Variants in MAP3K19 observed in about 807,000 individuals in gnomAD.
MAP3K19 encodes the protein mitogen-activated protein kinase kinase kinase 19, also known as SPS1/STE20-related protein kinase YSK4.
In MAP3K19, 91 loss-of-function variants were observed where a neutral mutation model predicts 114.4. That is an observed-to-expected ratio of 0.80 (90% CI 0.67 to 0.95). The LOEUF is 0.95. Among genes scored for constraint, MAP3K19 ranks in the 40% least tolerant of loss-of-function variants. The pLI is 0.00. For synonymous variants in MAP3K19, 518 were observed against 530.5 expected (o/e 0.98, Z 0.32); for missense variants, 1,471 against 1,573.2 (o/e 0.94, Z 1.10).
At chr2:135,018,765 A>G (rs1388946971) in intron 5 of MAP3K19, among the ~76,000 whole-genome samples, 1 of 152,160 alleles carries the variant, frequency 6.6e-6, no homozygotes, top group Non-Finnish European at 1.5e-5. Flanking sequence ...ACGTACCTCG[A>G]CCTAAACCTT....
intron 8 of MAP3K19, among the ~76,000 whole-genome samples, chr2:134,992,931 G>A (rs1042836716): frequency 3.9e-5 from 6 of 152,034 alleles, no homozygotes; most frequent in African/African-American, 1.2e-4. Context: ...CACCGGCCTC[G>A]GCCTCCCAAA....
Position 134,999,896 on chromosome 2 carries a change from T to A in MAP3K19, c.314+41A>T, listed in dbSNP as rs745508985. On this transcript the variant is annotated intron_variant, in intron 7 of 12. Transcript: ENST00000392915. The surrounding 1 kb of genome is among the most constrained non-coding windows in gnomAD (Gnocchi z 4.1). ...TTGCCATATGACTATCATTGCTTCA[T>A]ACTTCATTTCAAATCTGATACTTCA... The A allele has an allele frequency of 7.7e-7, 1 of 1,305,128 alleles. No individual in the cohort carries two copies. Among genetic ancestry groups the A allele is most frequent in the Non-Finnish European group, 1.1e-6 (1 of 898,904 alleles). The allele number at this position is 1,305,128 out of a possible 1,614,324, so 80.8% of individuals were successfully genotyped here.
intron 9 of MAP3K19, among the ~76,000 whole-genome samples, chr2:134,990,799 T>C (rs1434184842): frequency 6.6e-6 from 1 of 152,206 alleles, no homozygotes; most frequent in African/African-American, 2.4e-5. Flanking sequence ...AATAACATTT[T>C]ATTTTCTTGG....
At chr2:135,006,923 A>G in intron 5 of MAP3K19, among the ~76,000 whole-genome samples, 1 of 152,052 alleles carries the variant, frequency 6.6e-6, no homozygotes. Context: ...CACACCTATA[A>G]TCCTAGCACT....
chr2:134,974,800 G>C (rs1684112223), intron 12 of MAP3K19, among the ~76,000 whole-genome samples: 1 of 152,078 alleles, frequency 6.6e-6, no homozygotes, highest in South Asian at 2.1e-4. Context: ...GAATGAATTG[G>C]CACATGTGGT....
rs748954950 is a variant in MAP3K19 at position 134,998,845 on chromosome 2, T to A, written c.467A>T (p.Asn156Ile). The A allele has an allele frequency of 1.2e-6, 2 of 1,614,196 alleles. No homozygotes were observed. The highest frequency in any genetic ancestry group is 1.7e-6 in the Non-Finnish European group (2 of 1,180,030). ...EESSRELCNV[N>I]LGFLLPRSCL... ...AGATCTTGGTAGCAAAAAGCCCAAG[T>A]TCACATTGCAGAGCTCCCTGGAACT... Residue 156 changes from asparagine to isoleucine, a missense_variant, in exon 8 of 13, where the codon AAC becomes ATC. By Grantham distance (149) the Asn-to-Ile change is moderately radical. Transcript: ENST00000392915.
chr2:134,993,536 G>A (rs1036653800), intron 8 of MAP3K19, among the ~76,000 whole-genome samples: 1 of 152,172 alleles, frequency 6.6e-6, no homozygotes, highest in Non-Finnish European at 1.5e-5. Context: ...GCTCCCAGAG[G>A]TTGCATTCTA....
chr2:135,015,140 C>A (rs1469301920), intron 5 of MAP3K19, among the ~76,000 whole-genome samples: 2 of 152,230 alleles, frequency 1.3e-5, no homozygotes, highest in African/African-American at 4.8e-5. Context: ...CTAAATTATT[C>A]TAACAGTTCA....
intron 11 of MAP3K19, chr2:134,983,324 A>T (rs1191064090): frequency 1.8e-6 from 1 of 556,568 alleles, no homozygotes; most frequent in African/African-American, 1.9e-5. Flanking sequence ...TTCCCATTGG[A>T]CTTGAACCTG....
chr2:135,031,480 G>A (rs748903291), intron 2 of MAP3K19, among the ~76,000 whole-genome samples: 1 of 152,148 alleles, frequency 6.6e-6, no homozygotes, highest in Non-Finnish European at 1.5e-5. Flanking sequence ...AAGGAGATGT[G>A]GGTGGAGAAA....
intron 5 of MAP3K19, among the ~76,000 whole-genome samples, chr2:135,017,268 T>G (rs1687638554): frequency 6.6e-6 from 1 of 152,172 alleles, no homozygotes; most frequent in African/African-American, 2.4e-5. Context: ...CTTAAAAATG[T>G]CAGTATCGGT....
chr2:134,964,867 A>T lies in MAP3K19; in HGVS notation c.3970T>A (p.Leu1324Met). 1 of 1,613,448 alleles carries T rather than the reference A, an allele frequency of 6.2e-7. No individual in the cohort carries two copies. The highest frequency in any genetic ancestry group is 8.5e-7 in the Non-Finnish European group (1 of 1,179,580). ...SALQLLKHSF[L>M]ERSH Reference sequence around the variant, plus strand: ...ATGTATATTCAGTGACTTCTCTCCAAGAAGGAGTGCTTCAGGAGCTGGAGA... The same window carrying T: ...ATGTATATTCAGTGACTTCTCTCCATGAAGGAGTGCTTCAGGAGCTGGAGA... Residue 1324 changes from leucine (L) to methionine (M), a missense_variant, in exon 13 of 13, where the codon TTG becomes ATG. Leu to Met is a conservative substitution (Grantham distance 15). Coordinates refer to ENST00000392915, the MANE Select transcript of MAP3K19 (RefSeq NM_025052.5).
intron 10 of MAP3K19, among the ~76,000 whole-genome samples, chr2:134,984,622 T>C (rs934921547): frequency 6.6e-6 from 1 of 152,152 alleles, no homozygotes; most frequent in Non-Finnish European, 1.5e-5. Context: ...GGATAATTAT[T>C]TACCTTGTAT....
intron 11 of MAP3K19, among the ~76,000 whole-genome samples, chr2:134,981,987 G>A (rs1041724746): frequency 2.7e-5 from 4 of 150,378 alleles, no homozygotes; most frequent in South Asian, 2.1e-4. Context: ...AACCTCCTGG[G>A]TTCAAGCAAT....
intron 10 of MAP3K19, 130 bp downstream of exon 10, chr2:134,985,670 A>G (rs1685040100): frequency 1.2e-6 from 1 of 803,488 alleles, no homozygotes; most frequent in South Asian, 2.5e-5. Context: ...GTGATCAAAC[A>G]GTGAGACCTT....
chr2:134,967,968 A>T (rs1683499108), intron 12 of MAP3K19, among the ~76,000 whole-genome samples: 1 of 151,988 alleles, frequency 6.6e-6, no homozygotes, highest in Non-Finnish European at 1.5e-5. Context: ...AAACAAGTGA[A>T]CAAAGGTCTC....
At chr2:134,998,650 A>T in intron 8 of MAP3K19, 88 bp downstream of exon 8, 1 of 1,370,064 alleles carries the variant, frequency 7.3e-7, no homozygotes, top group Non-Finnish European at 9.8e-7. Flanking sequence ...TCACTGCTTT[A>T]TCTCTAGCAT....
chr2:135,029,279 G>C (rs748323060), intron 3 of MAP3K19, among the ~76,000 whole-genome samples: 18 of 152,194 alleles, frequency 1.2e-4, no homozygotes, highest in African/African-American at 4.3e-4. Context: ...CAGAGGCTGA[G>C]GTGGGAGAAT....
At chr2:135,038,121 G>T (rs1482916704) in intron 2 of MAP3K19, among the ~76,000 whole-genome samples, 1 of 152,076 alleles carries the variant, frequency 6.6e-6, no homozygotes, top group African/African-American at 2.4e-5. Flanking sequence ...TTATGGGCTG[G>T]CAGAAGGCAC....
Sources: gnomAD v4.1 joint callset for allele counts (sites outside exome capture counted in the v4.1 genomes callset) on GRCh38, gnomAD v4.1.1 for gene constraint, Gnocchi (gnomAD v3.1) non-coding constraint, MANE v1.5 for transcripts, NCBI Gene and HGNC (gene_info 2026-07-23, HGNC 2026-07-21) for gene names.